SIL1: variants seen among roughly 807,000 people sequenced by gnomAD.
SIL1 encodes the protein nucleotide exchange factor SIL1.
SIL1 carries 40 observed loss-of-function variants against 49.1 expected under a neutral mutation model. The ratio of observed to expected loss-of-function variants is 0.81; its 90% CI spans 0.63 to 1.06. The LOEUF is 1.06. SIL1 is among the 50% of genes least tolerant of loss of function. The pLI is 0.00. For missense variants in SIL1, 500 were observed against 572.6 expected (o/e 0.87, Z 1.29); for synonymous variants, 253 against 250.8 (o/e 1.01, Z -0.08).
In SIL1 at chr5:139,051,068, G is replaced by C; in HGVS notation, c.245-22C>G. ...TGCCCTAAAAGCCAAGAAGAGAAAA[G>C]GCTCATGAGGTACAAGGTCTTTGGA... is the stretch of plus-strand genomic sequence containing the variant. On this transcript the variant is annotated intron_variant, in intron 3 of 9. Coordinates refer to ENST00000394817, the MANE Select transcript of SIL1 (RefSeq NM_022464.5). The C allele has an allele frequency of 1.9e-6, 3 of 1,610,208 alleles. No homozygotes were observed. The South Asian group carries it at 3.3e-5, about 18-fold the overall frequency.
At chr5:139,097,203 T>C (rs1770486624) in intron 3 of SIL1, among the ~76,000 whole-genome samples, 2 of 151,802 alleles carry the variant, frequency 1.3e-5, no homozygotes, top group Non-Finnish European at 2.9e-5. Flanking sequence ...TTTACTCTAG[T>C]CCCTGACTCC....
At chr5:138,958,821 A>G (rs1561805041) in intron 7 of SIL1, among the ~76,000 whole-genome samples, 1 of 151,388 alleles carries the variant, frequency 6.6e-6, no homozygotes, top group East Asian at 1.9e-4. Context: ...AAATGATGAT[A>G]TTCAAACTCC....
At chr5:139,016,098 TA>T (rs200149735) in intron 7 of SIL1, among the ~76,000 whole-genome samples, 2 of 150,600 alleles carry the variant, frequency 1.3e-5, no homozygotes, top group Non-Finnish European at 3.0e-5. Context: ...ACCCTGTCTC[TA>T]AAAAAAAACC....
At chr5:139,128,196 A>T in intron 1 of SIL1, 1 of 368,248 alleles carries the variant, frequency 2.7e-6, no homozygotes, top group South Asian at 2.1e-5. Context: ...ACTGATCTGC[A>T]TGTGAACAAA....
At position 138,948,319 on chromosome 5, in the gene SIL1, A is replaced by T. The variant is rs756412616; in HGVS notation, c.1030-846T>A. On this transcript the variant is annotated intron_variant, in intron 9 of 9. Transcript: ENST00000394817. This position sits in a 1 kb window ranked among gnomAD's most constrained non-coding sequence, Gnocchi z 4.8. ...CAGGAGAGGCTGAGAGGTATCCCCT[A>T]GTCCTTTCCTACTTCACCCCTCAGT... Among the ~76,000 whole-genome samples the T allele has an allele frequency of 2.0e-5, 3 of 152,096 alleles. No homozygotes were observed. The highest frequency in any genetic ancestry group is 2.9e-5 in the Non-Finnish European group (2 of 68,006).
intron 7 of SIL1, among the ~76,000 whole-genome samples, chr5:138,964,422 C>A (rs1767090691): frequency 6.6e-6 from 1 of 152,146 alleles, no homozygotes. Context: ...GGAGGAATGA[C>A]CTTGACAAGA....
At chr5:139,196,758 A>G (rs1752283786) in intron 1 of SIL1, among the ~76,000 whole-genome samples, 1 of 152,188 alleles carries the variant, frequency 6.6e-6, no homozygotes, top group African/African-American at 2.4e-5. Flanking sequence ...ACACCATCTT[A>G]AAAACCCGAG....
rs544272265 is a variant in SIL1, at chr5:139,195,428, G to A, written c.-11+2841C>T. ...TTTTGAGACGGAGTCTCGCTCTGTC[G>A]CCCAGGCTGGAGTGAATGGCGTGAT... On this transcript the variant is annotated intron_variant, in intron 1 of 9. Coordinates refer to ENST00000394817, the MANE Select transcript of SIL1 (RefSeq NM_022464.5). Among the ~76,000 whole-genome samples, 492 of 151,458 alleles carry A rather than the reference G, an allele frequency of 3.2e-3. 2 individuals carry two copies. Among genetic ancestry groups the A allele is most frequent in the African/African-American group, 0.012 (476 of 41,262 alleles).
At chr5:139,148,863 C>T (rs1485311862) in intron 1 of SIL1, among the ~76,000 whole-genome samples, 1 of 152,168 alleles carries the variant, frequency 6.6e-6, no homozygotes, top group Non-Finnish European at 1.5e-5. Flanking sequence ...GCTTGCCCTC[C>T]TGCAAAGTAG....
At chr5:139,171,156 T>A (rs1216845569) in intron 1 of SIL1, among the ~76,000 whole-genome samples, 5 of 146,048 alleles carry the variant, frequency 3.4e-5, no homozygotes, top group South Asian at 2.2e-4. Flanking sequence ...CCTACTGGGA[T>A]GTGAGGAGCC....
chr5:139,038,871 G>C lies in SIL1; in HGVS notation c.453+3749C>G, dbSNP rs1045513509. Among the ~76,000 whole-genome samples the C allele has an allele frequency of 3.3e-5, 5 of 152,300 alleles. No homozygotes were observed. The East Asian group carries it at 5.8e-4, about 18-fold the overall frequency. The stretch of plus-strand genomic sequence containing the variant: ...ACACTGTCTCACTGCCTCCAAGTTG[G>C]GGGTGGAAGTACAGACTCTTCATTC... On this transcript the variant is annotated intron_variant, in intron 5 of 9. Transcript: ENST00000394817.
At chr5:139,139,570 G>A (rs1259594076) in intron 1 of SIL1, among the ~76,000 whole-genome samples, 1 of 152,202 alleles carries the variant, frequency 6.6e-6, no homozygotes, top group Non-Finnish European at 1.5e-5. Context: ...TGAGCACACT[G>A]GGCACCATAC....
chr5:139,198,165 G>A (rs1004604189), intron 1 of SIL1, 104 bp downstream of exon 1: 13 of 152,340 alleles, frequency 8.5e-5, no homozygotes, highest in Admixed American at 8.5e-4. Flanking sequence ...TGGGTCCCCA[G>A]AACACTGCTG....
intron 1 of SIL1, among the ~76,000 whole-genome samples, chr5:139,172,635 A>T (rs1297404100): frequency 2.0e-5 from 3 of 151,720 alleles, no homozygotes; most frequent in Non-Finnish European, 4.4e-5. Context: ...CCGTCTCAAA[A>T]AAAAAAAAAA....
intron 1 of SIL1, among the ~76,000 whole-genome samples, chr5:139,151,458 T>TC (rs746100664): frequency 6.6e-6 from 1 of 152,262 alleles, no homozygotes; most frequent in Non-Finnish European, 1.5e-5. Context: ...CTCCTGTTTT[T>TC]CTGACATTAA....
chr5:139,198,108 C>G (rs947314338), intron 1 of SIL1, among the ~76,000 whole-genome samples, 161 bp downstream of exon 1: 1 of 152,204 alleles, frequency 6.6e-6, no homozygotes, highest in Non-Finnish European at 1.5e-5. Context: ...GCAGGGAGCC[C>G]CGGGCCCACT....
intron 3 of SIL1, among the ~76,000 whole-genome samples, chr5:139,061,212 G>C (rs948552459): frequency 6.6e-6 from 1 of 152,234 alleles, no homozygotes; most frequent in African/African-American, 2.4e-5. Flanking sequence ...GACTCCCAGT[G>C]ACAGGGCCTG....
chr5:139,075,870 C>T (rs1561852648), intron 3 of SIL1, among the ~76,000 whole-genome samples: 1 of 152,158 alleles, frequency 6.6e-6, no homozygotes, highest in African/African-American at 2.4e-5. Flanking sequence ...TCACAATCTC[C>T]TCCATTCTAA....
chr5:139,042,820 A>C, intron 4 of SIL1, 101 bp from the exon 5 acceptor site: 1 of 1,029,030 alleles, frequency 9.7e-7, no homozygotes, highest in Non-Finnish European at 1.5e-6. Context: ...GAAGGATACC[A>C]AGATCCCATC....
Sources: gnomAD v4.1 joint callset for allele counts (sites outside exome capture counted in the v4.1 genomes callset) on GRCh38, gnomAD v4.1.1 for gene constraint, Gnocchi (gnomAD v3.1) non-coding constraint, MANE v1.5 for transcripts, NCBI Gene and HGNC (gene_info 2026-07-23, HGNC 2026-07-21) for gene names.